CUX2: variants seen among roughly 807,000 people sequenced by gnomAD.
CUX2 encodes cut like homeobox 2.
Under a neutral mutation model 144.8 loss-of-function variants are expected in CUX2, and 40 were observed. The observed-to-expected ratio is 0.28, with a 90% confidence interval of 0.21 to 0.36. The LOEUF (loss-of-function observed/expected upper bound fraction) is 0.36, where lower values mean the gene tolerates loss of function less well. Among genes scored for constraint, CUX2 ranks in the 10% least tolerant of loss-of-function variants. The pLI is 1.00. For synonymous variants in CUX2, 827 were observed against 875.6 expected (o/e 0.94, Z 0.98); for missense variants, 1,615 against 1,994.0 (o/e 0.81, Z 3.62).
At position 111,334,433 on chromosome 12, in the gene CUX2, G is replaced by A. The variant is rs760364937; in HGVS notation, c.2927-8G>A. The A allele has an allele frequency of 3.2e-6, 5 of 1,572,762 alleles. No individual in the cohort carries two copies. Among genetic ancestry groups the A allele is most frequent in the Admixed American group, 3.8e-5 (2 of 52,174 alleles). The stretch of plus-strand genomic sequence containing the variant: ...AGTAACCACCTTCTCTTTCTCTGTG[G>A]CCCACAGCCAGTCCCACAGAACCAA... On this transcript the variant is annotated splice_polypyrimidine_tract_variant and splice_region_variant and intron_variant, in intron 18 of 21. Coordinates refer to ENST00000261726, the MANE Select transcript of CUX2 (RefSeq NM_015267.4).
intron 3 of CUX2, among the ~76,000 whole-genome samples, chr12:111,230,274 A>AAGTGGGACT (rs1227605714): frequency 6.6e-6 from 1 of 152,026 alleles, no homozygotes; most frequent in Non-Finnish European, 1.5e-5. Flanking sequence ...TTGCCAACCA[A>AAGTGGGACT]AGTGGGACTC....
intron 1 of CUX2, among the ~76,000 whole-genome samples, chr12:111,204,185 C>T (rs1360204989): frequency 6.6e-6 from 1 of 152,250 alleles, no homozygotes; most frequent in Non-Finnish European, 1.5e-5. Flanking sequence ...AGCTGGCAAG[C>T]AAGAAGGTCA....
chr12:111,207,528 G>T (rs1304050118), intron 1 of CUX2, among the ~76,000 whole-genome samples: 1 of 152,162 alleles, frequency 6.6e-6, no homozygotes, highest in Non-Finnish European at 1.5e-5. Flanking sequence ...GGTGAAAGCA[G>T]AGCCCCTGTT....
chr12:111,214,165 C>G, intron 1 of CUX2, 35 bp from the exon 2 acceptor site: 2 of 1,214,778 alleles, frequency 1.6e-6, no homozygotes, highest in African/African-American at 1.8e-5. Context: ...TTTCTTTTCT[C>G]TCTCTCTCTT....
At chr12:111,253,804 G>GT (rs35700210) in intron 3 of CUX2, among the ~76,000 whole-genome samples, 30,413 of 148,248 alleles carry the variant, frequency 0.21, 3,703 homozygotes, top group East Asian at 0.39. Flanking sequence ...ATAAAATACT[G>GT]TTTTTTTAGA....
chr12:111,305,056 TTC>T (rs911346117), intron 10 of CUX2, among the ~76,000 whole-genome samples: 1 of 152,252 alleles, frequency 6.6e-6, no homozygotes, highest in African/African-American at 2.4e-5. Flanking sequence ...CAATTCATCT[TTC>T]TCTTTCCTCC....
intron 1 of CUX2, among the ~76,000 whole-genome samples, chr12:111,131,199 G>C (rs944383271): frequency 6.6e-6 from 1 of 152,074 alleles, no homozygotes; most frequent in Non-Finnish European, 1.5e-5. Flanking sequence ...ACATGGTGGT[G>C]GCAAGAGAAA....
chr12:111,053,540 A>G (rs527966935), intron 1 of CUX2, among the ~76,000 whole-genome samples: 4 of 152,262 alleles, frequency 2.6e-5, no homozygotes, highest in Admixed American at 1.3e-4. Context: ...CTGTCTCACT[A>G]TCTCCGCTTC....
At chr12:111,210,122 G>A (rs983838182) in intron 1 of CUX2, among the ~76,000 whole-genome samples, 1 of 152,198 alleles carries the variant, frequency 6.6e-6, no homozygotes, top group South Asian at 2.1e-4. Context: ...AGCTGTGTGT[G>A]TGGTAGTTTG....
At chr12:111,192,673 C>T (rs1173747392) in intron 1 of CUX2, among the ~76,000 whole-genome samples, 1 of 152,224 alleles carries the variant, frequency 6.6e-6, no homozygotes, top group Non-Finnish European at 1.5e-5. Flanking sequence ...CCCAAAAAGT[C>T]CTGGTTAAGT....
At chr12:111,102,613 G>T (rs147713328) in intron 1 of CUX2, among the ~76,000 whole-genome samples, 1 of 152,210 alleles carries the variant, frequency 6.6e-6, no homozygotes, top group African/African-American at 2.4e-5. Flanking sequence ...GCATGATCTC[G>T]TCTAGTCTTT....
chr12:111,295,281 C>A lies in CUX2; in HGVS notation c.561-52C>A. ...AAGATGGGGCTCGACTCGGGGGCCC[C>A]AGGCAAGGCCTGTCCCTGCAGCCAG... On this transcript the variant is annotated intron_variant, in intron 6 of 21. Coordinates refer to ENST00000261726, the MANE Select transcript of CUX2 (RefSeq NM_015267.4). The surrounding 1 kb of genome is among the most constrained non-coding windows in gnomAD (Gnocchi z 5.0). 2 of 1,582,670 alleles carry A rather than the reference C, an allele frequency of 1.3e-6. No individual in the cohort carries two copies. The highest frequency in any genetic ancestry group is 2.3e-5 in the East Asian group (1 of 43,830).
Position 111,190,574 on chromosome 12 carries a change from A to G in CUX2, c.64-23626A>G, listed in dbSNP as rs931190565. On this transcript the variant is annotated intron_variant, in intron 1 of 21. Coordinates refer to ENST00000261726, the MANE Select transcript of CUX2 (RefSeq NM_015267.4). This position sits in a 1 kb window ranked among gnomAD's most constrained non-coding sequence, Gnocchi z 4.0. ...TCCCACCTCTTGATGCTTTTTGACT[A>G]TGAGATGAGTTCATCTTTCCTGGAC... Among the ~76,000 whole-genome samples, 2 of 152,116 alleles carry G rather than the reference A, an allele frequency of 1.3e-5. No individual in the cohort carries two copies. The highest frequency in any genetic ancestry group is 2.9e-5 in the Non-Finnish European group (2 of 68,030).
At chr12:111,172,074 T>C (rs150033648) in intron 1 of CUX2, among the ~76,000 whole-genome samples, 1 of 151,908 alleles carries the variant, frequency 6.6e-6, no homozygotes, top group African/African-American at 2.4e-5. Context: ...CGTGTGTGCA[T>C]GCACCTGTGC....
intron 3 of CUX2, among the ~76,000 whole-genome samples, chr12:111,245,683 C>T (rs191657230): frequency 1.2e-3 from 180 of 152,186 alleles, no homozygotes; most frequent in African/African-American, 3.8e-3. Flanking sequence ...AAGGAGCATT[C>T]GAGCTAAGAG....
intron 1 of CUX2, among the ~76,000 whole-genome samples, chr12:111,182,622 G>T (rs1879260292): frequency 6.6e-6 from 1 of 152,230 alleles, no homozygotes; most frequent in South Asian, 2.1e-4. Context: ...GCTCCGCTTG[G>T]AATTGGCAAC....
chr12:111,318,017 G>C (rs988222112), intron 16 of CUX2, among the ~76,000 whole-genome samples: 1 of 148,896 alleles, frequency 6.7e-6, no homozygotes, highest in African/African-American at 2.6e-5. Flanking sequence ...AAAGAAAAAA[G>C]AAAACGTGAT....
chr12:111,187,888 A>G (rs570875146), intron 1 of CUX2, among the ~76,000 whole-genome samples: 12 of 152,374 alleles, frequency 7.9e-5, no homozygotes, highest in Admixed American at 2.6e-4. Context: ...AGCCAGGTCC[A>G]ACAGAGCCCC....
intron 16 of CUX2, among the ~76,000 whole-genome samples, chr12:111,314,077 G>A (rs1887050130): frequency 1.3e-5 from 2 of 152,180 alleles, no homozygotes; most frequent in African/African-American, 4.8e-5. Context: ...GGGATTACCC[G>A]GCTACCCTGC....
Sources: allele counts gnomAD v4.1 joint callset (sites outside exome capture counted in the v4.1 genomes callset), GRCh38; gene constraint gnomAD v4.1.1; non-coding constraint Gnocchi (gnomAD v3.1); transcripts MANE v1.5; gene names NCBI Gene and HGNC (gene_info 2026-07-23, HGNC 2026-07-21).